Variants in DNAJC5B observed in about 807,000 individuals in gnomAD.
DNAJC5B encodes the protein dnaJ homolog subfamily C member 5B.
In DNAJC5B, 23 loss-of-function variants were observed where a neutral mutation model predicts 24.7. The observed-to-expected ratio is 0.93, with a 90% CI of 0.67 to 1.32. The LOEUF is 1.32. DNAJC5B is among the 40% of genes most tolerant of loss of function. The probability of loss-of-function intolerance (pLI) is 0.00; values close to 1 mark genes in which losing one functional copy is unlikely to be tolerated. For synonymous variants in DNAJC5B, 101 were observed against 90.1 expected (o/e 1.12, Z -0.68); for missense variants, 238 against 240.8 (o/e 0.99, Z 0.08).
chr8:66,058,661 C>T (rs1807017544), intron 3 of DNAJC5B, among the ~76,000 whole-genome samples: 1 of 152,250 alleles, frequency 6.6e-6, no homozygotes, highest in Non-Finnish European at 1.5e-5. Context: ...AAAGACCTAT[C>T]TCAGTCCCTC....
intron 4 of DNAJC5B, among the ~76,000 whole-genome samples, chr8:66,077,819 G>A (rs981530412): frequency 9.2e-5 from 14 of 152,210 alleles, no homozygotes; most frequent in African/African-American, 3.1e-4. Flanking sequence ...TTGCAACCTA[G>A]CCTAATTTGC....
chr8:66,032,183 A>G lies in DNAJC5B; in HGVS notation c.-142+10478A>G, dbSNP rs578109488. On this transcript the variant is annotated intron_variant, in intron 1 of 5. Coordinates refer to ENST00000276570, the MANE Select transcript of DNAJC5B (RefSeq NM_033105.6). The stretch of plus-strand genomic sequence containing the variant: ...TAAAACACTCAGCTGGGTACTCTGA[A>G]CCAGTATGGCCACTGCCTCCCAGCA... Among the ~76,000 whole-genome samples the G allele has an allele frequency of 4.6e-5, 7 of 152,334 alleles. No individual in the cohort carries two copies. The South Asian group carries it at 1.0e-3, about 23-fold the overall frequency.
chr8:66,049,855 T>C (rs1377020035), intron 2 of DNAJC5B, among the ~76,000 whole-genome samples: 1 of 152,258 alleles, frequency 6.6e-6, no homozygotes. Flanking sequence ...TTGTTAAAAT[T>C]GATTTTACAA....
chr8:66,032,153 A>G (rs1806373068), intron 1 of DNAJC5B, among the ~76,000 whole-genome samples: 1 of 152,238 alleles, frequency 6.6e-6, no homozygotes, highest in Non-Finnish European at 1.5e-5. Flanking sequence ...ATTTCAACAC[A>G]AGTCTAAAAC....
chr8:66,052,118 A>ATTTT (rs748199400), intron 3 of DNAJC5B, among the ~76,000 whole-genome samples: 1 of 136,306 alleles, frequency 7.3e-6, no homozygotes, highest in Non-Finnish European at 1.6e-5. Flanking sequence ...CACCCAGCTA[A>ATTTT]TTTTTTTTTT....
intron 2 of DNAJC5B, among the ~76,000 whole-genome samples, chr8:66,046,688 G>C (rs553029762): frequency 1.7e-4 from 26 of 152,326 alleles, no homozygotes; most frequent in Admixed American, 4.6e-4. Flanking sequence ...CTGCCCCTCG[G>C]GGGCTACAGG....
At chr8:66,027,656 C>A (rs1044715364) in intron 1 of DNAJC5B, among the ~76,000 whole-genome samples, 2 of 152,154 alleles carry the variant, frequency 1.3e-5, no homozygotes, top group African/African-American at 4.8e-5. Flanking sequence ...TATTTTCGTC[C>A]TTTCAAGTAT....
intron 1 of DNAJC5B, among the ~76,000 whole-genome samples, chr8:66,042,347 T>C: frequency 6.6e-6 from 1 of 152,308 alleles, no homozygotes; most frequent in Middle Eastern, 3.4e-3. Flanking sequence ...TTCTATGTAA[T>C]ACTTTAAAGA....
chr8:66,064,110 A>G (rs182461816), intron 3 of DNAJC5B, among the ~76,000 whole-genome samples: 50 of 152,314 alleles, frequency 3.3e-4, no homozygotes, highest in Admixed American at 8.5e-4. Flanking sequence ...CAGCCTGTAT[A>G]GTTAAGGAAA....
chr8:66,066,863 G>C (rs1296555869), intron 3 of DNAJC5B, among the ~76,000 whole-genome samples: 2 of 152,180 alleles, frequency 1.3e-5, no homozygotes, highest in African/African-American at 4.8e-5. Flanking sequence ...AGCTATTGAA[G>C]TTTTAAAAAT....
At chr8:66,072,839 C>A (rs961854585) in intron 3 of DNAJC5B, among the ~76,000 whole-genome samples, 16 of 152,120 alleles carry the variant, frequency 1.1e-4, no homozygotes, top group African/African-American at 3.9e-4. Context: ...ATCCCAGAAA[C>A]ATAAGCTTCA....
chr8:66,073,459 T>TAAAAAAAACTC (rs1807394052), intron 3 of DNAJC5B, among the ~76,000 whole-genome samples: 1 of 151,528 alleles, frequency 6.6e-6, no homozygotes, highest in African/African-American at 2.4e-5. Flanking sequence ...AAAATCTCAA[T>TAAAAAAAACTC]AGGTTGTGTG....
chr8:66,043,296 G>C (rs1319636584), intron 1 of DNAJC5B, among the ~76,000 whole-genome samples, 192 bp from the exon 2 acceptor site: 3 of 152,176 alleles, frequency 2.0e-5, no homozygotes, highest in Non-Finnish European at 2.9e-5. Flanking sequence ...AAGGAGATGA[G>C]CTTATTTCCT....
At chr8:66,045,838 T>A (rs1806710966) in intron 2 of DNAJC5B, among the ~76,000 whole-genome samples, 1 of 152,182 alleles carries the variant, frequency 6.6e-6, no homozygotes, top group African/African-American at 2.4e-5. Flanking sequence ...TCAGGCACCC[T>A]CAACTCCAGA....
chr8:66,079,854 A>T (rs1402380085), intron 4 of DNAJC5B, among the ~76,000 whole-genome samples: 2 of 152,160 alleles, frequency 1.3e-5, no homozygotes, highest in Non-Finnish European at 2.9e-5. Context: ...GCTGGCCAGG[A>T]TAGAGGCATG....
At chr8:66,065,073 C>T (rs760472948) in intron 3 of DNAJC5B, among the ~76,000 whole-genome samples, 3 of 152,202 alleles carry the variant, frequency 2.0e-5, no homozygotes, top group Non-Finnish European at 4.4e-5. Flanking sequence ...ACTTTTCAAG[C>T]GATGATTGAG....
At chr8:66,060,396 C>A (rs1807055612) in intron 3 of DNAJC5B, among the ~76,000 whole-genome samples, 1 of 152,214 alleles carries the variant, frequency 6.6e-6, no homozygotes, top group African/African-American at 2.4e-5. Flanking sequence ...GCTTGTATTC[C>A]TTTCTGGAAG....
In DNAJC5B at chr8:66,051,598, A is replaced by AGAAG; in HGVS notation, c.52_55dup (p.Ala19GlyfsTer11). On this transcript the variant is annotated frameshift_variant, in exon 3 of 6. Coordinates refer to ENST00000276570, the MANE Select transcript of DNAJC5B (RefSeq NM_033105.6). LOFTEE classifies it high-confidence loss of function. The stretch of plus-strand genomic sequence containing the variant: ...GACAGCGGACTCTGTCAACAACAGG[A>AGAAG]GAAGCTCTATACGAAATTCTTGGTC... 6.2e-7 allele frequency: 1 copy of AGAAG among 1,614,138 alleles called. No individual in the cohort carries two copies. The highest frequency in any genetic ancestry group is 8.5e-7 in the Non-Finnish European group (1 of 1,180,016).
chr8:66,038,097 T>A (rs1324883693), intron 1 of DNAJC5B, among the ~76,000 whole-genome samples: 1 of 152,248 alleles, frequency 6.6e-6, no homozygotes, highest in Non-Finnish European at 1.5e-5. Context: ...TTTATTTAAC[T>A]GGGATCAAAA....
Sources: allele counts gnomAD v4.1 joint callset (sites outside exome capture counted in the v4.1 genomes callset), GRCh38; gene constraint gnomAD v4.1.1; transcripts MANE v1.5; gene names NCBI Gene and HGNC (gene_info 2026-07-23, HGNC 2026-07-21).